ABCA12: variants seen among roughly 807,000 people sequenced by gnomAD.
ABCA12 encodes ATP binding cassette subfamily A member 12.
A neutral mutation model predicts 293.5 loss-of-function variants in ABCA12; 156 were observed. The ratio of observed to expected loss-of-function variants is 0.53; its 90% CI spans 0.47 to 0.61. ABCA12 has a LOEUF of 0.61. ABCA12 is among the 20% of genes least tolerant of loss of function. The pLI, the probability that ABCA12 is intolerant of heterozygous loss-of-function variation, is 0.00. For missense variants in ABCA12, 2,797 were observed against 3,090.2 expected (o/e 0.91, Z 2.25); for synonymous variants, 1,063 against 1,108.0 (o/e 0.96, Z 0.81).
At chr2:215,035,619 C>T (rs1341395854) in intron 8 of ABCA12, among the ~76,000 whole-genome samples, 3 of 147,676 alleles carry the variant, frequency 2.0e-5, no homozygotes, top group African/African-American at 5.0e-5. Flanking sequence ...GAGCCGAGAT[C>T]GCGCCACTGC....
At chr2:214,952,243 C>T (rs1384787938) in intron 44 of ABCA12, among the ~76,000 whole-genome samples, 3 of 140,720 alleles carry the variant, frequency 2.1e-5, no homozygotes, top group Non-Finnish European at 3.0e-5. Flanking sequence ...TTTTTTGAGA[C>T]GGAGTCTCGC....
At chr2:214,974,737 G>T (rs1699471003) in intron 35 of ABCA12, 41 bp downstream of exon 35, 1 of 1,586,294 alleles carries the variant, frequency 6.3e-7, no homozygotes, top group South Asian at 1.1e-5. Flanking sequence ...ACTCAAACTG[G>T]AATGCTGAAA....
chr2:215,010,621 A>T, intron 17 of ABCA12, 151 bp from the exon 18 acceptor site: 1 of 912,108 alleles, frequency 1.1e-6, no homozygotes, highest in South Asian at 1.5e-5. Flanking sequence ...ATCTGGTGTC[A>T]AAGTAAGAAA....
intron 1 of ABCA12, among the ~76,000 whole-genome samples, chr2:215,137,518 G>T (rs184351505): frequency 6.4e-4 from 98 of 152,282 alleles, no homozygotes; most frequent in African/African-American, 2.3e-3. Context: ...GTACAAAAAA[G>T]ACGTTGCAAT....
intron 18 of ABCA12, among the ~76,000 whole-genome samples, chr2:215,008,868 T>C (rs972551779): frequency 2.6e-5 from 4 of 152,152 alleles, no homozygotes; most frequent in Admixed American, 2.0e-4. Context: ...ACTTATACAT[T>C]GTTGGTGGGA....
intron 1 of ABCA12, among the ~76,000 whole-genome samples, chr2:215,121,108 C>A (rs1042329530): frequency 6.6e-6 from 1 of 152,202 alleles, no homozygotes; most frequent in Non-Finnish European, 1.5e-5. Context: ...ACCTCCCTTC[C>A]TCTTGCAGAT....
chr2:215,124,458 T>G (rs1702879575), intron 1 of ABCA12, among the ~76,000 whole-genome samples: 1 of 152,138 alleles, frequency 6.6e-6, no homozygotes, highest in South Asian at 2.1e-4. Context: ...GTTCACCTCA[T>G]CCATGCCAAT....
rs769447834 is a variant in ABCA12 at position 214,986,601 on chromosome 2, A to G, written c.4104T>C (p.Phe1368=). 10 of 1,614,004 alleles carry G rather than the reference A, an allele frequency of 6.2e-6. No homozygotes were observed. In the East Asian group the frequency reaches 2.2e-4, roughly 36 times the overall value. ...GCAATGAAGTAATATGCCCTTCATA[A>G]AAGTTCAGATTGAGGTTATCAACAG... ...KVAVDNLNLN[F]YEGHITSLLG... is the part of the protein sequence containing the mutation. The change falls in exon 28 of 53, where the codon TTT becomes TTC. Residue 1368 remains phenylalanine, a synonymous_variant. Coordinates refer to ENST00000272895, the MANE Select transcript of ABCA12 (RefSeq NM_173076.3).
intron 11 of ABCA12, among the ~76,000 whole-genome samples, chr2:215,024,862 T>A (rs532229677): frequency 6.6e-6 from 1 of 152,318 alleles, no homozygotes; most frequent in African/African-American, 2.4e-5. Flanking sequence ...CATGATAACC[T>A]GTATACTATA....
chr2:215,059,203 G>A (rs1034069685), intron 3 of ABCA12, among the ~76,000 whole-genome samples: 45 of 151,994 alleles, frequency 3.0e-4, no homozygotes, highest in African/African-American at 1.0e-3. Flanking sequence ...AAACATATGA[G>A]ATTTTCTGCA....
chr2:215,041,999 G>A (rs2177422), intron 7 of ABCA12, among the ~76,000 whole-genome samples: 53,426 of 152,006 alleles, frequency 0.35, 12,543 homozygotes, highest in African/African-American at 0.67. Context: ...AAAGAGTCAA[G>A]TGATGGTTTC....
intron 27 of ABCA12, among the ~76,000 whole-genome samples, 198 bp from the exon 28 acceptor site, chr2:214,986,926 G>T (rs748558990): frequency 4.6e-5 from 7 of 152,086 alleles, no homozygotes; most frequent in East Asian, 1.9e-4. Flanking sequence ...GAGAACCAGG[G>T]TTCATTTCAC....
intron 31 of ABCA12, 136 bp from the exon 32 acceptor site, chr2:214,979,176 G>T: frequency 1.2e-6 from 1 of 802,040 alleles, no homozygotes. Context: ...CACTGCTCTA[G>T]AGACCCCTTT....
chr2:215,134,579 C>T (rs1234291853), intron 1 of ABCA12, among the ~76,000 whole-genome samples: 4 of 65,994 alleles, frequency 6.1e-5, no homozygotes, highest in African/African-American at 3.8e-4. Flanking sequence ...TATATATAAT[C>T]TCTCTCTCTC....
intron 22 of ABCA12, 33 bp from the exon 23 acceptor site, chr2:214,997,842 G>T: frequency 2.3e-6 from 3 of 1,315,970 alleles, no homozygotes; most frequent in South Asian, 1.2e-5. Flanking sequence ...AAAATTCAGC[G>T]ACCAAAATGA....
intron 23 of ABCA12, among the ~76,000 whole-genome samples, chr2:214,994,302 G>C (rs1699989863): frequency 6.6e-6 from 1 of 151,832 alleles, no homozygotes; most frequent in Non-Finnish European, 1.5e-5. Context: ...TAATCAGAGA[G>C]TCACTTTTAT....
At position 215,010,466 on chromosome 2, in the gene ABCA12, TG is replaced by T; in HGVS notation, c.2336del (p.Pro779HisfsTer18). The T allele has an allele frequency of 6.2e-7, 1 of 1,613,446 alleles. No individual in the cohort carries two copies. The highest frequency in any genetic ancestry group is 8.5e-7 in the Non-Finnish European group (1 of 1,179,554). The part of the protein sequence containing the change: ...SKYGIPINST[P>X]FCFSLYKDII... Reference sequence around the variant, plus strand: ...TGTCTTTATAAAGGGAGAAGCAAAATGGTGCTGGAAGGAAAAAGTGAAATAA... The same window carrying T: ...TGTCTTTATAAAGGGAGAAGCAAAATGTGCTGGAAGGAAAAAGTGAAATAA... On this transcript the variant is annotated frameshift_variant, in exon 18 of 53. Coordinates refer to ENST00000272895, the MANE Select transcript of ABCA12 (RefSeq NM_173076.3). LOFTEE classifies it high-confidence loss of function.
At chr2:215,029,191 C>G (rs1240652375) in intron 9 of ABCA12, 1 of 150,664 alleles carries the variant, frequency 6.6e-6, no homozygotes, top group Non-Finnish European at 1.5e-5. Context: ...TTCACCCCGA[C>G]CCCATCCCCA....
intron 35 of ABCA12, 54 bp downstream of exon 35, chr2:214,974,724 C>T (rs1699470856): frequency 6.5e-7 from 1 of 1,529,220 alleles, no homozygotes; most frequent in East Asian, 2.3e-5. Context: ...TACACATGCA[C>T]ACACTCAAAC....
Sources: allele counts gnomAD v4.1 joint callset (sites outside exome capture counted in the v4.1 genomes callset), GRCh38; gene constraint gnomAD v4.1.1; transcripts MANE v1.5; gene names NCBI Gene and HGNC (gene_info 2026-07-23, HGNC 2026-07-21).